Variants in TMEM236 observed in about 807,000 individuals in gnomAD.
The protein encoded by TMEM236 is family with sequence similarity 23, member A.
A neutral mutation model predicts 14.7 loss-of-function variants in TMEM236; 11 were observed. The ratio of observed to expected loss-of-function variants is 0.75; its 90% confidence interval spans 0.47 to 1.24. TMEM236 has a LOEUF of 1.24. Ranked by LOEUF, TMEM236 falls within the 50% of genes most tolerant of loss-of-function variation. The pLI, the probability that TMEM236 is intolerant of heterozygous loss-of-function variation, is 0.00. For missense variants in TMEM236, 464 were observed against 427.3 expected, an observed-to-expected ratio of 1.09 and a Z score of -0.76; for synonymous variants, 182 against 168.6, an observed-to-expected ratio of 1.08 and a Z score of -0.62.
chr10:17,760,221 C>A (rs1192758594), intron 1 of TMEM236, among the ~76,000 whole-genome samples: 2 of 152,096 alleles, frequency 1.3e-5, no homozygotes, highest in African/African-American at 2.4e-5. Flanking sequence ...TCAGAACACT[C>A]CAGTTTCTCT....
chr10:17,770,913 A>T (rs1837560810), intron 1 of TMEM236, among the ~76,000 whole-genome samples: 1 of 152,184 alleles, frequency 6.6e-6, no homozygotes, highest in Non-Finnish European at 1.5e-5. Flanking sequence ...TACTTTTTGA[A>T]ATATAAATTT....
Position 17,798,780 on chromosome 10 carries a change from G to C in TMEM236, c.*2276G>C, listed in dbSNP as rs1478499841. On this transcript the variant is annotated 3_prime_UTR_variant, in exon 4 of 4. Coordinates refer to ENST00000377495, the MANE Select transcript of TMEM236 (RefSeq NM_001098844.3). Reference sequence around the variant, plus strand: ...ATAATACTAGTACTACATTAATAGGGTTAGGAGGGTTAAAGGGTAAAGAGT... The same window carrying C: ...ATAATACTAGTACTACATTAATAGGCTTAGGAGGGTTAAAGGGTAAAGAGT... 2.1e-6 allele frequency: 1 copy of C among 481,340 alleles called. No homozygotes were observed. Among genetic ancestry groups the C allele is most frequent in the East Asian group, 6.5e-5 (1 of 15,478 alleles). The allele number at this position is 481,340 out of a possible 1,614,324, so 29.8% of individuals were successfully genotyped here. A position where few individuals can be genotyped will look rare whatever the true frequency, so the allele number is the denominator to read the frequency against.
chr10:17,776,260 A>G (rs1837657715), intron 3 of TMEM236, 90 bp downstream of exon 3: 1 of 1,246,704 alleles, frequency 8.0e-7, no homozygotes, highest in Non-Finnish European at 1.2e-6. Flanking sequence ...ATGTTTAATG[A>G]TACCTTTTCT....
Position 17,796,497 on chromosome 10 carries a change from C to A in TMEM236, c.1049C>A (p.Pro350Gln), listed in dbSNP as rs1465053648. ...ATTTTTTCTGCCTTTGAAATGTCTC[C>A]ATTTTAAAAAGGAAATGGGATCTAG... ...IRIFSAFEMS[P>Q]F Residue 350 changes from proline (P) to glutamine (Q), a missense_variant, in exon 4 of 4, where the codon CCA (proline) becomes CAA (glutamine). Coordinates refer to ENST00000377495, the MANE Select transcript of TMEM236 (RefSeq NM_001098844.3). 11 of 1,610,204 alleles carry A rather than the reference C, an allele frequency of 6.8e-6. No individual in the cohort carries two copies. The highest frequency in any genetic ancestry group is 9.3e-6 in the Non-Finnish European group (11 of 1,176,866).
chr10:17,760,208 T>C (rs1481264708), intron 1 of TMEM236, among the ~76,000 whole-genome samples: 2 of 152,176 alleles, frequency 1.3e-5, no homozygotes, highest in Non-Finnish European at 2.9e-5. Flanking sequence ...TACCAGTTAC[T>C]TCTCAGAACA....
intron 1 of TMEM236, among the ~76,000 whole-genome samples, chr10:17,769,387 T>C (rs1245688697): frequency 6.6e-6 from 1 of 152,030 alleles, no homozygotes; most frequent in African/African-American, 2.4e-5. Flanking sequence ...TGCCTAACAG[T>C]TGGGTAGACA....
chr10:17,756,359 C>T (rs1554833706), intron 1 of TMEM236, among the ~76,000 whole-genome samples: 3 of 151,800 alleles, frequency 2.0e-5, no homozygotes, highest in South Asian at 2.1e-4. Context: ...TGCAGAGGAG[C>T]GATCTAGGCT....
At chr10:17,776,241 T>C (rs2131753334) in intron 3 of TMEM236, 71 bp downstream of exon 3, 6 of 1,407,634 alleles carry the variant, frequency 4.3e-6, no homozygotes, top group East Asian at 2.3e-5. Context: ...CACTGTGTTA[T>C]CTGACAACAT....
chr10:17,757,290 T>G (rs1837297835), intron 1 of TMEM236, among the ~76,000 whole-genome samples: 1 of 152,178 alleles, frequency 6.6e-6, no homozygotes, highest in Non-Finnish European at 1.5e-5. Flanking sequence ...TAATTAACTT[T>G]GTCAACTGAT....
chr10:17,786,763 C>T (rs913841548), intron 3 of TMEM236, among the ~76,000 whole-genome samples: 1 of 152,134 alleles, frequency 6.6e-6, no homozygotes, highest in Non-Finnish European at 1.5e-5. Flanking sequence ...TTGGCTGTGT[C>T]GCCACCCAAA....
Position 17,796,121 on chromosome 10 carries a change from C to T in TMEM236, c.673C>T (p.Leu225=), listed in dbSNP as rs1838010052. The T allele has an allele frequency of 5.0e-6, 8 of 1,613,884 alleles. No homozygotes were observed. The highest frequency in any genetic ancestry group is 6.8e-6 in the Non-Finnish European group (8 of 1,179,858). Residue 225 remains leucine, a synonymous_variant, in exon 4 of 4, where the codon CTG becomes TTG. Transcript: ENST00000377495. ...PQEPSCDSGI[L]RMMSRRDVRA... is the part of the protein sequence containing the mutation. ...GGAGCCCTCCTGTGACTCCGGAATCCTGAGAATGATGTCCCGGCGAGATGT... is the reference window on the plus strand; with the variant it reads ...GGAGCCCTCCTGTGACTCCGGAATCTTGAGAATGATGTCCCGGCGAGATGT...
At chr10:17,790,579 T>G (rs1202405679) in intron 3 of TMEM236, among the ~76,000 whole-genome samples, 2 of 152,204 alleles carry the variant, frequency 1.3e-5, no homozygotes, top group African/African-American at 4.8e-5. Flanking sequence ...ATAACAGTGT[T>G]TCTAATTTAC....
At chr10:17,793,784 T>C (rs1337684000) in intron 3 of TMEM236, among the ~76,000 whole-genome samples, 2 of 152,192 alleles carry the variant, frequency 1.3e-5, no homozygotes, top group East Asian at 3.9e-4. Flanking sequence ...CGCCTGGCTC[T>C]ATATTAATTT....
Position 17,752,399 on chromosome 10 carries a change from A to G in TMEM236, c.104A>G (p.Tyr35Cys). ...ATCACAGAACAGTTTGCCACCGCCT[A>G]CCAAGGAACAAGGGCTAGATCTGAC... is the stretch of plus-strand genomic sequence containing the variant. The part of the protein sequence containing the change: ...LVITEQFATA[Y>C]QGTRARSDNT... Residue 35 changes from tyrosine (Y) to cysteine (C), a missense_variant, in exon 1 of 4, where the codon TAC becomes TGC. Physicochemically the swap from Tyr to Cys is radical, Grantham distance 194 (BLOSUM62 -2). Transcript: ENST00000377495. 1 of 1,613,926 alleles carries G rather than the reference A, an allele frequency of 6.2e-7. No individual in the cohort carries two copies. Among genetic ancestry groups the G allele is most frequent in the Non-Finnish European group, 8.5e-7 (1 of 1,179,868 alleles).
At position 17,764,147 on chromosome 10, in the gene TMEM236, CAG is replaced by C. The variant is rs1278442791; in HGVS notation, c.258-7159_258-7158del. 1.3e-4 allele frequency among the ~76,000 whole-genome samples: 20 copies of C among 152,160 alleles called. 1 individual carries two copies. The highest frequency in any genetic ancestry group is 4.8e-4 in the African/African-American group (20 of 41,428). ...AGGTAAAAAGTTTTATGTTTCTGAG[CAG>C]AGTGTCATCTCCCAAGTTCTCATCT... On this transcript the variant is annotated intron_variant, in intron 1 of 3. Transcript: ENST00000377495.
chr10:17,760,892 A>G (rs146714530), intron 1 of TMEM236, among the ~76,000 whole-genome samples: 19,100 of 152,174 alleles, frequency 0.13, 1,776 homozygotes, highest in East Asian at 0.42. Context: ...ACAGCACAGG[A>G]AAGACCCGCC....
Position 17,796,244 on chromosome 10 carries a change from C to T in TMEM236, c.796C>T (p.Leu266=). Residue 266 remains leucine (L), a synonymous_variant, in exon 4 of 4, where the codon CTA becomes TTA. Coordinates refer to ENST00000377495, the MANE Select transcript of TMEM236 (RefSeq NM_001098844.3). ...CCCCAACGTGTACAAGTCAAGCTGG[C>T]TATACCCAGTCTACATATTCAGTTT... is the stretch of plus-strand genomic sequence containing the variant. ...GHPNVYKSSW[L]YPVYIFSFIS... The T allele has an allele frequency of 6.2e-7, 1 of 1,613,976 alleles. No individual in the cohort carries two copies. Among genetic ancestry groups the T allele is most frequent in the Admixed American group, 1.7e-5 (1 of 60,002 alleles).
chr10:17,763,701 A>G (rs1247261901), intron 1 of TMEM236, among the ~76,000 whole-genome samples: 3 of 152,300 alleles, frequency 2.0e-5, no homozygotes, highest in Non-Finnish European at 2.9e-5. Context: ...GAGGATGAGT[A>G]TGAGGAATGA....
At chr10:17,791,420 T>C (rs961748598) in intron 3 of TMEM236, among the ~76,000 whole-genome samples, 2 of 152,294 alleles carry the variant, frequency 1.3e-5, no homozygotes, top group Non-Finnish European at 2.9e-5. Flanking sequence ...ATTGTGCCAC[T>C]GTACTCCGGT....
Sources: gnomAD v4.1 joint callset for allele counts (sites outside exome capture counted in the v4.1 genomes callset) on GRCh38, gnomAD v4.1.1 for gene constraint, MANE v1.5 for transcripts, NCBI Gene and HGNC (gene_info 2026-07-23, HGNC 2026-07-21) for gene names.